Variants in BRD7 observed in about 807,000 individuals in gnomAD.
The protein encoded by BRD7 is bromodomain-containing protein 7.
In BRD7, 15 loss-of-function variants were observed where a neutral mutation model predicts 82.1. The ratio of observed to expected loss-of-function variants is 0.18; its 90% confidence interval spans 0.12 to 0.28. BRD7 has a LOEUF of 0.28. BRD7 is among the 10% of genes least tolerant of loss of function. BRD7 has a pLI of 1.00. For synonymous variants in BRD7, 232 were observed against 266.9 expected (o/e 0.87, Z 1.27); for missense variants, 638 against 779.9 (o/e 0.82, Z 2.17).
Position 50,319,177 on chromosome 16 carries a change from A to T in BRD7, c.*34T>A, listed in dbSNP as rs1264859942. 1 of 1,483,448 alleles carries T rather than the reference A, an allele frequency of 6.7e-7. No individual in the cohort carries two copies. Among genetic ancestry groups the T allele is most frequent in the Non-Finnish European group, 9.3e-7 (1 of 1,076,094 alleles). The allele number at this position is 1,483,448 out of a possible 1,614,324, so 91.9% of individuals were successfully genotyped here. ...ATTTCTAAGTTAAGAATGAAAAAGT[A>T]TGTACATAATATATAATCAAATACC... On this transcript the variant is annotated 3_prime_UTR_variant, in exon 17 of 17. Transcript: ENST00000394688.
chr16:50,365,029 T>C (rs1268066926), intron 2 of BRD7, among the ~76,000 whole-genome samples: 1 of 152,202 alleles, frequency 6.6e-6, no homozygotes, highest in Non-Finnish European at 1.5e-5. Flanking sequence ...TGGGGTGATT[T>C]GCAGAACAGA....
At chr16:50,331,646 G>A (rs1438502590) in intron 8 of BRD7, among the ~76,000 whole-genome samples, 11 of 152,236 alleles carry the variant, frequency 7.2e-5, no homozygotes, top group African/African-American at 2.2e-4. Flanking sequence ...AGGCTGTAGT[G>A]AGCCAAGATT....
chr16:50,332,877 A>G (rs533924843), intron 8 of BRD7, among the ~76,000 whole-genome samples: 66 of 152,260 alleles, frequency 4.3e-4, no homozygotes, highest in Admixed American at 1.0e-3. Context: ...AAATTAATGC[A>G]GAAACAGAAA....
intron 8 of BRD7, among the ~76,000 whole-genome samples, chr16:50,332,231 TACGC>T (rs2151152998): frequency 9.5e-6 from 1 of 105,396 alleles, no homozygotes; most frequent in Non-Finnish European, 1.8e-5. Flanking sequence ...ATGTGTGAAC[TACGC>T]ATCCAATAAA....
Position 50,318,030 on chromosome 16 carries a change from T to C in BRD7, c.*1181A>G, listed in dbSNP as rs2036893827. On this transcript the variant is annotated 3_prime_UTR_variant, in exon 17 of 17. Coordinates refer to ENST00000394688, the MANE Select transcript of BRD7 (RefSeq NM_013263.5). ...ACTAGGGTTTATTCTATATAATGAA[T>C]ATTTATAGATCTGTAACATTTGTTT... is the stretch of plus-strand genomic sequence containing the variant. 6.6e-6 allele frequency: 1 copy of C among 152,356 alleles called. No individual in the cohort carries two copies. Among genetic ancestry groups the C allele is most frequent in the Non-Finnish European group, 1.5e-5 (1 of 68,038 alleles). 9.4% of individuals were successfully genotyped at this position (152,356 alleles called of 1,614,324 possible).
At chr16:50,345,374 A>T (rs1338091935) in intron 5 of BRD7, among the ~76,000 whole-genome samples, 1 of 152,198 alleles carries the variant, frequency 6.6e-6, no homozygotes, top group Non-Finnish European at 1.5e-5. Context: ...CGAGCAAAAT[A>T]ACCAGCTAAC....
intron 2 of BRD7, among the ~76,000 whole-genome samples, chr16:50,362,339 G>A (rs1258238123): frequency 6.6e-6 from 1 of 152,172 alleles, no homozygotes; most frequent in Non-Finnish European, 1.5e-5. Flanking sequence ...TTGAGTTATT[G>A]TTCTGGCATT....
At chr16:50,340,317 T>C (rs2037993661) in intron 5 of BRD7, among the ~76,000 whole-genome samples, 2 of 152,360 alleles carry the variant, frequency 1.3e-5, no homozygotes, top group South Asian at 4.1e-4. Flanking sequence ...AAATATTTTA[T>C]AGTACCTGTA....
At chr16:50,331,734 A>T (rs2037574745) in intron 8 of BRD7, among the ~76,000 whole-genome samples, 2 of 152,218 alleles carry the variant, frequency 1.3e-5, no homozygotes, top group Admixed American at 1.3e-4. Context: ...AAAAGCTCCC[A>T]TAAAACTACA....
intron 2 of BRD7, among the ~76,000 whole-genome samples, chr16:50,366,890 G>A (rs1447561732): frequency 6.6e-6 from 1 of 152,096 alleles, no homozygotes; most frequent in Non-Finnish European, 1.5e-5. Context: ...TCCATTTTGT[G>A]TACTTTTGCA....
chr16:50,337,256 C>CTTTTTTTTTTTTT (rs71138063), intron 6 of BRD7, among the ~76,000 whole-genome samples: 1 of 93,254 alleles, frequency 1.1e-5, no homozygotes, highest in African/African-American at 4.5e-5. Context: ...GTTCATTCTT[C>CTTTTTTTTTTTTT]TTTTTTTTTT....
intron 15 of BRD7, 45 bp from the exon 16 acceptor site, chr16:50,320,075 T>C: frequency 6.4e-7 from 1 of 1,566,812 alleles, no homozygotes; most frequent in Non-Finnish European, 8.6e-7. Flanking sequence ...ATGGTTCCTT[T>C]AGATAGAGGC....
At chr16:50,333,479 G>A in intron 8 of BRD7, 95 bp downstream of exon 8, 1 of 1,476,358 alleles carries the variant, frequency 6.8e-7, no homozygotes, top group Non-Finnish European at 9.3e-7. Context: ...CTCTATGGCA[G>A]ATATGGATTA....
chr16:50,360,272 C>T (rs1313104031), intron 2 of BRD7, among the ~76,000 whole-genome samples: 1 of 152,174 alleles, frequency 6.6e-6, no homozygotes, highest in Non-Finnish European at 1.5e-5. Flanking sequence ...CATAGGAACA[C>T]AAAAGCATGC....
intron 13 of BRD7, among the ~76,000 whole-genome samples, chr16:50,321,690 T>C (rs1328488378): frequency 6.7e-6 from 1 of 148,384 alleles, no homozygotes; most frequent in Non-Finnish European, 1.5e-5. Flanking sequence ...TATTAAGCAA[T>C]CAAAAGCTAA....
chr16:50,339,508 T>G (rs76197984), intron 6 of BRD7, among the ~76,000 whole-genome samples: 1 of 152,338 alleles, frequency 6.6e-6, no homozygotes, highest in East Asian at 1.9e-4. Context: ...AAATACAGTA[T>G]TACAATCTTA....
Position 50,318,962 on chromosome 16 carries a change from G to A in BRD7, c.*249C>T. 2.4e-6 allele frequency: 1 copy of A among 415,496 alleles called. No homozygotes were observed. Among genetic ancestry groups the A allele is most frequent in the East Asian group, 4.0e-5 (1 of 24,744 alleles). The allele number at this position is 415,496 out of a possible 1,614,324, so 25.7% of individuals were successfully genotyped here. A position where few individuals can be genotyped will look rare whatever the true frequency, so the allele number is the denominator to read the frequency against. Reference sequence around the variant, plus strand: ...CCTGTCTGTGGGACATAAGGAAGAAGCATTGGAAGGCACTATTTTGAAAGA... The same window carrying A: ...CCTGTCTGTGGGACATAAGGAAGAAACATTGGAAGGCACTATTTTGAAAGA... On this transcript the variant is annotated 3_prime_UTR_variant, in exon 17 of 17. Coordinates refer to ENST00000394688, the MANE Select transcript of BRD7 (RefSeq NM_013263.5).
chr16:50,322,148 G>A, intron 12 of BRD7, 110 bp from the exon 13 acceptor site: 2 of 785,840 alleles, frequency 2.5e-6, no homozygotes, highest in Non-Finnish European at 4.1e-6. Flanking sequence ...ATACAAATAT[G>A]GACTACTGGA....
intron 14 of BRD7, 87 bp downstream of exon 14, chr16:50,320,576 G>A: frequency 1.5e-6 from 2 of 1,369,334 alleles, no homozygotes; most frequent in Non-Finnish European, 1.0e-6. Flanking sequence ...TGTGGTGAAT[G>A]GCTATGTTAA....
Sources: gnomAD v4.1 joint callset for allele counts (sites outside exome capture counted in the v4.1 genomes callset) on GRCh38, gnomAD v4.1.1 for gene constraint, MANE v1.5 for transcripts, NCBI Gene and HGNC (gene_info 2026-07-23, HGNC 2026-07-21) for gene names.